The following BAZ2B variants were observed in gnomAD, a reference collection of about 807,000 sequenced individuals.
BAZ2B encodes bromodomain adjacent to zinc finger domain protein 2B.
BAZ2B carries 91 observed loss-of-function variants against 246.0 expected under a neutral mutation model. The ratio of observed to expected loss-of-function variants is 0.37; its 90% CI spans 0.31 to 0.44. The LOEUF (loss-of-function observed/expected upper bound fraction) is 0.44, where lower values mean the gene tolerates loss of function less well. Among genes scored for constraint, BAZ2B ranks in the 20% least tolerant of loss-of-function variants. BAZ2B has a pLI of 1.00. For synonymous variants in BAZ2B, 855 were observed against 860.0 expected, an observed-to-expected ratio of 0.99 and a Z score of 0.10; for missense variants, 2,332 against 2,533.7, an observed-to-expected ratio of 0.92 and a Z score of 1.71.
chr2:159,414,654 T>C (rs1367917091), intron 13 of BAZ2B, among the ~76,000 whole-genome samples: 1 of 151,806 alleles, frequency 6.6e-6, no homozygotes, highest in Non-Finnish European at 1.5e-5. Flanking sequence ...CCGTCTCTAC[T>C]AAAAACACAA....
chr2:159,341,490 A>G (rs2066707415), intron 31 of BAZ2B, among the ~76,000 whole-genome samples: 1 of 152,214 alleles, frequency 6.6e-6, no homozygotes, highest in Non-Finnish European at 1.5e-5. Context: ...CAGAAAATCA[A>G]CAAAGTAACA....
At chr2:159,327,055 C>CTTT (rs67194703) in intron 34 of BAZ2B, among the ~76,000 whole-genome samples, 93,195 of 142,818 alleles carry the variant, frequency 0.65, 31,943 homozygotes, top group East Asian at 0.78. Context: ...TGGCTGCAAT[C>CTTT]TTTTTTTTTT....
At chr2:159,507,870 C>T (rs971947259) in intron 2 of BAZ2B, among the ~76,000 whole-genome samples, 1 of 152,050 alleles carries the variant, frequency 6.6e-6, no homozygotes, top group Non-Finnish European at 1.5e-5. Context: ...AACAGCACTA[C>T]GTAAGTTACT....
chr2:159,589,572 C>G (rs1688824213), intron 1 of BAZ2B, among the ~76,000 whole-genome samples: 1 of 152,104 alleles, frequency 6.6e-6, no homozygotes, highest in South Asian at 2.1e-4. Flanking sequence ...GCCTTAGTTT[C>G]TAATTCACTT....
intron 27 of BAZ2B, among the ~76,000 whole-genome samples, chr2:159,370,025 A>G (rs1483402110): frequency 1.3e-5 from 2 of 152,192 alleles, no homozygotes; most frequent in Non-Finnish European, 2.9e-5. Flanking sequence ...TTGTAGGGAC[A>G]TGGATGAAGC....
chr2:159,626,729 T>C, the BAZ2B span, among the ~76,000 whole-genome samples: 11,101 of 152,160 alleles, frequency 0.073, 516 homozygotes, highest in East Asian at 0.14. Context: ...AGATCTAAAA[T>C]TGACACTCTA....
At chr2:159,514,168 A>G (rs2083206555) in intron 2 of BAZ2B, among the ~76,000 whole-genome samples, 1 of 152,008 alleles carries the variant, frequency 6.6e-6, no homozygotes, top group South Asian at 2.1e-4. Context: ...CAGTTTATTT[A>G]TTATTATTAA....
In BAZ2B at chr2:159,349,283, G is replaced by T; in HGVS notation, c.4864-3C>A. ...ATCATAGATACTCCACCTTTCACCT[G>T]CAAAAAGAAAACATTTATTAATGAA... On this transcript the variant is annotated splice_polypyrimidine_tract_variant and splice_region_variant and intron_variant, in intron 28 of 36. Transcript: ENST00000392783. 1 of 1,570,340 alleles carries T rather than the reference G, an allele frequency of 6.4e-7. No individual in the cohort carries two copies. Among genetic ancestry groups the T allele is most frequent in the Non-Finnish European group, 8.6e-7 (1 of 1,157,754 alleles).
the BAZ2B span, among the ~76,000 whole-genome samples, chr2:159,705,857 T>C: frequency 2.6e-5 from 4 of 151,582 alleles, no homozygotes; most frequent in South Asian, 6.3e-4. Flanking sequence ...AAATACTACA[T>C]GTAAAATCAA....
intron 3 of BAZ2B, chr2:159,464,196 G>T (rs1036150480): frequency 2.0e-5 from 3 of 152,134 alleles, no homozygotes; most frequent in Non-Finnish European, 4.4e-5. Context: ...AATTTATTCA[G>T]ATTTAATTAG....
chr2:159,583,593 G>A (rs549481066), intron 1 of BAZ2B, among the ~76,000 whole-genome samples: 24 of 152,152 alleles, frequency 1.6e-4, no homozygotes, highest in African/African-American at 4.6e-4. Context: ...CCATAAAAAC[G>A]TATGTAGTGC....
At chr2:159,384,280 A>C (rs1314944081) in intron 23 of BAZ2B, among the ~76,000 whole-genome samples, 1 of 152,062 alleles carries the variant, frequency 6.6e-6, no homozygotes, top group African/African-American at 2.4e-5. Flanking sequence ...ACTATTTGTT[A>C]TCATGCTCAT....
At chr2:159,522,243 A>G (rs2084211061) in intron 2 of BAZ2B, among the ~76,000 whole-genome samples, 1 of 152,132 alleles carries the variant, frequency 6.6e-6, no homozygotes, top group South Asian at 2.1e-4. Context: ...AAGAAAAAAT[A>G]AGTATTAATG....
intron 1 of BAZ2B, among the ~76,000 whole-genome samples, chr2:159,610,456 C>A (rs1347699068): frequency 6.6e-6 from 1 of 152,118 alleles, no homozygotes; most frequent in African/African-American, 2.4e-5. Flanking sequence ...AGGAGTGCAC[C>A]GTCTTTGATT....
At chr2:159,337,163 G>C in intron 32 of BAZ2B, 86 bp from the exon 33 acceptor site, 1 of 1,470,470 alleles carries the variant, frequency 6.8e-7, no homozygotes, top group African/African-American at 1.4e-5. Context: ...TGAAAGCCAA[G>C]CAATGACAAA....
rs1289125766 is a variant in BAZ2B, at chr2:159,412,480, A to G, written c.2532T>C (p.Arg844=). Residue 844 remains arginine, a synonymous_variant, in exon 14 of 37, where the codon CGT becomes CGC. Transcript: ENST00000392783. ...TATCTGGATTTGGTGGTCTTCCTCT[A>G]CGACCTTCCATTGCCCTGATACGAG... The part of the protein sequence containing the change: ...VIPRIRAMEG[R]RGRPPNPDRQ... The G allele has an allele frequency of 6.2e-7, 1 of 1,614,102 alleles. No homozygotes were observed. Among genetic ancestry groups the G allele is most frequent in the Non-Finnish European group, 8.5e-7 (1 of 1,180,004 alleles).
chr2:159,384,109 C>A (rs1385445467), intron 23 of BAZ2B, among the ~76,000 whole-genome samples: 1 of 151,946 alleles, frequency 6.6e-6, no homozygotes, highest in Non-Finnish European at 1.5e-5. Flanking sequence ...ATATAAACAA[C>A]CAAACAGTAA....
intron 33 of BAZ2B, 43 bp from the exon 34 acceptor site, chr2:159,332,729 G>A (rs1370408246): frequency 1.3e-6 from 2 of 1,597,546 alleles, no homozygotes; most frequent in Non-Finnish European, 1.7e-6. Context: ...GCTCTGCCAT[G>A]AATAATAGTT....
At chr2:159,626,909 A>T in the BAZ2B span, among the ~76,000 whole-genome samples, 1 of 152,194 alleles carries the variant, frequency 6.6e-6, no homozygotes, top group African/African-American at 2.4e-5. Flanking sequence ...AACAAAAGAG[A>T]TAGACCACCT....
Sources: allele counts gnomAD v4.1 joint callset (sites outside exome capture counted in the v4.1 genomes callset), GRCh38; gene constraint gnomAD v4.1.1; transcripts MANE v1.5; gene names NCBI Gene and HGNC (gene_info 2026-07-23, HGNC 2026-07-21).